The following SNPH variants were observed in gnomAD, a reference collection of about 807,000 sequenced individuals.
The protein encoded by SNPH is syntaphilin.
In SNPH, 10 loss-of-function variants were observed where a neutral mutation model predicts 36.8. That is an observed-to-expected ratio of 0.27 (90% CI 0.17 to 0.46). SNPH has a LOEUF of 0.46. Among genes scored for constraint, SNPH ranks in the 20% least tolerant of loss-of-function variants. SNPH has a pLI of 1.00. For synonymous variants in SNPH, 281 were observed against 312.2 expected (o/e 0.90, Z 1.05); for missense variants, 622 against 744.0 (o/e 0.84, Z 1.91).
intron 2 of SNPH, among the ~76,000 whole-genome samples, chr20:1,267,145 C>T (rs2088016448): frequency 6.6e-6 from 1 of 150,656 alleles, no homozygotes; most frequent in African/African-American, 2.4e-5. Flanking sequence ...TGAGACCCCA[C>T]CCCCACCCCA....
chr20:1,269,331 A>G (rs1600242464), intron 2 of SNPH, among the ~76,000 whole-genome samples: 1 of 152,314 alleles, frequency 6.6e-6, no homozygotes, highest in African/African-American at 2.4e-5. Flanking sequence ...ATTACCCTCA[A>G]CGTCATTTAT....
At position 1,307,336 on chromosome 20, in the gene SNPH, C is replaced by G. The variant is rs969677197; in HGVS notation, c.*1282C>G. On this transcript the variant is annotated 3_prime_UTR_variant, in exon 7 of 7. Transcript: ENST00000381867. ...GTAGGCGCCCTGCAGCCTCCCTGCT[C>G]CCAGCCCAAGGCCAGTCGGCCTGGG... The G allele has an allele frequency of 4.6e-5, 7 of 152,248 alleles. No homozygotes were observed. Among genetic ancestry groups the G allele is most frequent in the Admixed American group, 3.9e-4 (6 of 15,284 alleles). 9.4% of individuals were successfully genotyped at this position (152,248 alleles called of 1,614,324 possible). A position where few individuals can be genotyped will look rare whatever the true frequency, so the allele number is the denominator to read the frequency against.
At chr20:1,303,425 C>T (rs2088527637) in intron 6 of SNPH, among the ~76,000 whole-genome samples, 1 of 152,226 alleles carries the variant, frequency 6.6e-6, no homozygotes, top group Admixed American at 6.5e-5. Flanking sequence ...TTCTTTCAAA[C>T]TCACTCTTTC....
At chr20:1,303,811 G>A (rs75971998) in intron 6 of SNPH, among the ~76,000 whole-genome samples, 43 of 152,254 alleles carry the variant, frequency 2.8e-4, no homozygotes, top group East Asian at 1.9e-4. Flanking sequence ...TGACAGGCAC[G>A]GCATTTGTAG....
intron 2 of SNPH, among the ~76,000 whole-genome samples, chr20:1,278,841 G>A: frequency 6.6e-6 from 1 of 152,132 alleles, no homozygotes; most frequent in East Asian, 1.9e-4. Context: ...GCGCCACCAT[G>A]CCCAGCTAAT....
intron 2 of SNPH, among the ~76,000 whole-genome samples, chr20:1,281,306 G>T (rs765999622): frequency 3.3e-5 from 5 of 152,054 alleles, no homozygotes; most frequent in Non-Finnish European, 7.4e-5. Flanking sequence ...ACCTGTCCTG[G>T]TGCTTCTCTT....
rs897505293 is a variant in SNPH at position 1,306,176 on chromosome 20, T to C, written c.*122T>C. 3.0e-5 allele frequency: 26 copies of C among 876,852 alleles called. No homozygotes were observed. The highest frequency in any genetic ancestry group is 3.8e-5 in the Non-Finnish European group (24 of 627,256). 54.3% of individuals were successfully genotyped at this position (876,852 alleles called of 1,614,324 possible). A position where few individuals can be genotyped will look rare whatever the true frequency, so the allele number is the denominator to read the frequency against. On this transcript the variant is annotated 3_prime_UTR_variant, in exon 7 of 7. Transcript: ENST00000381867. Reference sequence around the variant, plus strand: ...TAGTTTTGGGTGTGGAACTGTTTCTTTTTTTCAAGATGTTAAAACAGTCCC... The same window carrying C: ...TAGTTTTGGGTGTGGAACTGTTTCTCTTTTTCAAGATGTTAAAACAGTCCC...
rs1189699162 is a variant in SNPH at position 1,276,005 on chromosome 20, A to G, written c.-493+9245A>G. ...CTGTCTTTCAGGGGACCCACTTCCA[A>G]CTCCCACAGCTCCTTCACAGAGCCC... On this transcript the variant is annotated intron_variant, in intron 2 of 6. Transcript: ENST00000381867. The surrounding 1 kb of genome is among the most constrained non-coding windows in gnomAD (Gnocchi z 4.6). 6.6e-6 allele frequency among the ~76,000 whole-genome samples: 1 copy of G among 151,850 alleles called. No homozygotes were observed.
At chr20:1,291,814 C>T (rs550958802) in intron 2 of SNPH, among the ~76,000 whole-genome samples, 1 of 152,320 alleles carries the variant, frequency 6.6e-6, no homozygotes, top group East Asian at 1.9e-4. Context: ...TTTTGCTTAG[C>T]TGGAATATTA....
chr20:1,287,316 C>G (rs2088295635), intron 2 of SNPH, among the ~76,000 whole-genome samples: 1 of 152,210 alleles, frequency 6.6e-6, no homozygotes, highest in African/African-American at 2.4e-5. Flanking sequence ...CATTTATGAG[C>G]TGCCTTAAAA....
Position 1,294,791 on chromosome 20 carries a change from A to G in SNPH, c.-492-160A>G, listed in dbSNP as rs1409524886. Reference sequence around the variant, plus strand: ...GAAGGGGGTGGTCCCCGGGCCAGAGACTCTGGGGTTTGAGATCCAGCCCCT... The same window carrying G: ...GAAGGGGGTGGTCCCCGGGCCAGAGGCTCTGGGGTTTGAGATCCAGCCCCT... On this transcript the variant is annotated intron_variant, in intron 2 of 6. Coordinates refer to ENST00000381867, the MANE Select transcript of SNPH (RefSeq NM_001318234.2). This position sits in a 1 kb window ranked among gnomAD's most constrained non-coding sequence, Gnocchi z 4.4. Among the ~76,000 whole-genome samples the G allele has an allele frequency of 6.6e-6, 1 of 151,650 alleles. No homozygotes were observed. Among genetic ancestry groups the G allele is most frequent in the Non-Finnish European group, 1.5e-5 (1 of 67,932 alleles).
In SNPH at chr20:1,305,047, G is replaced by A. The variant is rs978277873; in HGVS notation, c.610G>A (p.Asp204Asn). ...DTVKNNLIDK[D>N]KGLQKYFVDI... ...TGTCAAGAACAACCTGATTGACAAG[G>A]ACAAGGGGCTGCAGAAGTACTTCGT... Residue 204 changes from aspartate (D) to asparagine (N), a missense_variant, in exon 7 of 7, where the codon GAC becomes AAC. Asp to Asn is a conservative substitution (Grantham distance 23). Transcript: ENST00000381867. 45 of 1,613,978 alleles carry A rather than the reference G, an allele frequency of 2.8e-5. No homozygotes were observed. Among genetic ancestry groups the A allele is most frequent in the Non-Finnish European group, 3.1e-5 (37 of 1,180,050 alleles).
chr20:1,282,446 A>T (rs951797076), intron 2 of SNPH, among the ~76,000 whole-genome samples: 1 of 152,226 alleles, frequency 6.6e-6, no homozygotes, highest in Non-Finnish European at 1.5e-5. Context: ...TTGAAAATAT[A>T]CAAGTTATAT....
intron 2 of SNPH, among the ~76,000 whole-genome samples, chr20:1,289,259 A>G (rs960746441): frequency 4.6e-5 from 7 of 152,070 alleles, no homozygotes; most frequent in Admixed American, 3.3e-4. Context: ...GCCTCCCTCT[A>G]TGGGGAATTT....
At position 1,279,370 on chromosome 20, in the gene SNPH, A is replaced by G. The variant is rs149718535; in HGVS notation, c.-493+12610A>G. ...TGACAGCCACATATCCTCTTTGGTGAGGTATCAGTTCAAGTATTTTGCCCA... is the reference window on the plus strand; with the variant it reads ...TGACAGCCACATATCCTCTTTGGTGGGGTATCAGTTCAAGTATTTTGCCCA... On this transcript the variant is annotated intron_variant, in intron 2 of 6. Coordinates refer to ENST00000381867, the MANE Select transcript of SNPH (RefSeq NM_001318234.2). Among the ~76,000 whole-genome samples the G allele has an allele frequency of 5.2e-3, 798 of 152,348 alleles. 5 individuals carry two copies. Among genetic ancestry groups the G allele is most frequent in the Non-Finnish European group, 8.7e-3 (593 of 68,032 alleles).
rs201764007 is a variant in SNPH, at chr20:1,288,619, C to CTT, written c.-492-6326_-492-6325dup. Among the ~76,000 whole-genome samples, 79 of 140,808 alleles carry CTT rather than the reference C, an allele frequency of 5.6e-4. 6 individuals are homozygous for CTT. The highest frequency in any genetic ancestry group is 3.4e-4 in the African/African-American group (13 of 38,696). 92.4% of individuals were successfully genotyped at this position (140,808 alleles called of 152,430 possible). ...GAAGGCACATGAGGAATTTCTTTTTCTTTTTTTCTTTTTTTTTTTGAGATG... is the reference window on the plus strand; with the variant it reads ...GAAGGCACATGAGGAATTTCTTTTTCTTTTTTTTTCTTTTTTTTTTTGAGATG... On this transcript the variant is annotated intron_variant, in intron 2 of 6. Transcript: ENST00000381867.
chr20:1,268,002 G>C (rs2088028629), intron 2 of SNPH, among the ~76,000 whole-genome samples: 1 of 152,218 alleles, frequency 6.6e-6, no homozygotes, highest in African/African-American at 2.4e-5. Flanking sequence ...CTCAGGACTT[G>C]GGAGATAGGC....
intron 2 of SNPH, among the ~76,000 whole-genome samples, chr20:1,277,622 G>T (rs1255813860): frequency 3.4e-5 from 1 of 29,034 alleles, no homozygotes; most frequent in Non-Finnish European, 1.1e-4. Flanking sequence ...GTGTATGTGT[G>T]CCTGTGTGTG....
In SNPH at chr20:1,300,097, A is replaced by G. The variant is rs541097630; in HGVS notation, c.291-465A>G. On this transcript the variant is annotated intron_variant, in intron 5 of 6. Coordinates refer to ENST00000381867, the MANE Select transcript of SNPH (RefSeq NM_001318234.2). ...CTTACACCTCAGTTTCCAGCCTTCA[A>G]ACTCATTCTCCAGGTTGGAAGACGA... 2.6e-5 allele frequency among the ~76,000 whole-genome samples: 4 copies of G among 152,226 alleles called. No homozygotes were observed. The East Asian group carries it at 7.8e-4, about 30-fold the overall frequency.
Sources: gnomAD v4.1 joint callset for allele counts (sites outside exome capture counted in the v4.1 genomes callset) on GRCh38, gnomAD v4.1.1 for gene constraint, Gnocchi (gnomAD v3.1) non-coding constraint, MANE v1.5 for transcripts, NCBI Gene and HGNC (gene_info 2026-07-23, HGNC 2026-07-21) for gene names.